Variants in TNPO1 observed in about 807,000 individuals in gnomAD.
The protein encoded by TNPO1 is transportin-1.
TNPO1 carries 8 observed loss-of-function variants against 119.5 expected under a neutral mutation model. That is an observed-to-expected ratio of 0.07 (90% CI 0.04 to 0.12). The LOEUF is 0.12. TNPO1 is among the 10% of genes least tolerant of loss of function. The pLI is 1.00. For missense variants in TNPO1, 576 were observed against 1,089.8 expected (o/e 0.53, Z 6.64); for synonymous variants, 362 against 363.0 (o/e 1.00, Z 0.03).
chr5:72,824,622 G>A (rs1475444530), intron 1 of TNPO1, among the ~76,000 whole-genome samples: 1 of 152,124 alleles, frequency 6.6e-6, no homozygotes, highest in Non-Finnish European at 1.5e-5. Flanking sequence ...TCTCAGTGCT[G>A]GTCCTTGTAA....
intron 24 of TNPO1, among the ~76,000 whole-genome samples, chr5:72,906,897 T>C (rs1434649019): frequency 6.6e-6 from 1 of 152,240 alleles, no homozygotes; most frequent in Admixed American, 6.5e-5. Flanking sequence ...TTAAGACATA[T>C]CTGACTGGAA....
intron 1 of TNPO1, among the ~76,000 whole-genome samples, chr5:72,842,300 T>A (rs1744949329): frequency 6.6e-6 from 1 of 152,136 alleles, no homozygotes; most frequent in African/African-American, 2.4e-5. Flanking sequence ...AGGCAGTATA[T>A]CAGGGGCTTC....
intron 1 of TNPO1, among the ~76,000 whole-genome samples, chr5:72,839,691 A>C (rs1308056478): frequency 1.3e-5 from 2 of 152,174 alleles, no homozygotes; most frequent in African/African-American, 4.8e-5. Flanking sequence ...TGTTATTTCT[A>C]ATACAGCTAG....
intron 10 of TNPO1, 147 bp from the exon 11 acceptor site, chr5:72,882,917 A>C: frequency 6.0e-6 from 4 of 663,372 alleles, no homozygotes; most frequent in Non-Finnish European, 1.1e-5. Flanking sequence ...TATGTTCTGT[A>C]CATGGGCGTG....
At chr5:72,894,488 G>A (rs1460901897) in intron 18 of TNPO1, among the ~76,000 whole-genome samples, 6 of 152,152 alleles carry the variant, frequency 3.9e-5, no homozygotes, top group African/African-American at 1.2e-4. Context: ...TGGCTAACAC[G>A]GTGAAACCCC....
At position 72,911,875 on chromosome 5, in the gene TNPO1, A is replaced by G. The variant is rs1012606606; in HGVS notation, c.*3202A>G. On this transcript the variant is annotated 3_prime_UTR_variant, in exon 25 of 25. Coordinates refer to ENST00000337273, the MANE Select transcript of TNPO1 (RefSeq NM_002270.4). ...TTCCTGTTTGAGCTTCTCTCTTTGA[A>G]GGATTCTAACAGAACAAAGCTGCTG... The G allele has an allele frequency of 4.6e-5, 7 of 152,514 alleles. No homozygotes were observed. Among genetic ancestry groups the G allele is most frequent in the Non-Finnish European group, 1.0e-4 (7 of 67,960 alleles). 9.4% of individuals were successfully genotyped at this position (152,514 alleles called of 1,614,324 possible). A position where few individuals can be genotyped will look rare whatever the true frequency, so the allele number is the denominator to read the frequency against.
chr5:72,898,864 C>T (rs1338792909), intron 20 of TNPO1, among the ~76,000 whole-genome samples: 1 of 152,094 alleles, frequency 6.6e-6, no homozygotes. Context: ...TCAAGTAATC[C>T]TTAAACATTT....
chr5:72,861,118 T>C (rs1746411570), intron 4 of TNPO1, among the ~76,000 whole-genome samples: 1 of 151,938 alleles, frequency 6.6e-6, no homozygotes, highest in Non-Finnish European at 1.5e-5. Flanking sequence ...TCCATGTTGG[T>C]CAGGCTGGTC....
At chr5:72,821,251 T>C (rs1743944795) in intron 1 of TNPO1, among the ~76,000 whole-genome samples, 1 of 152,128 alleles carries the variant, frequency 6.6e-6, no homozygotes, top group African/African-American at 2.4e-5. Context: ...AGTAAAATAA[T>C]TTATTAGTGG....
intron 1 of TNPO1, among the ~76,000 whole-genome samples, chr5:72,829,522 G>A (rs569346714): frequency 4.6e-5 from 7 of 152,318 alleles, no homozygotes; most frequent in South Asian, 4.1e-4. Context: ...TTGAACAATC[G>A]AGTTGAATAC....
At chr5:72,840,289 G>A (rs1744852371) in intron 1 of TNPO1, among the ~76,000 whole-genome samples, 1 of 151,966 alleles carries the variant, frequency 6.6e-6, no homozygotes. Flanking sequence ...GTGTGATCTT[G>A]GACACATTGC....
At chr5:72,871,857 C>T (rs564057218) in intron 6 of TNPO1, 4 of 152,224 alleles carry the variant, frequency 2.6e-5, no homozygotes, top group African/African-American at 9.6e-5. Context: ...AAACTATGTC[C>T]CATGGAGCCA....
chr5:72,864,254 CTT>C (rs1373782159), intron 5 of TNPO1, among the ~76,000 whole-genome samples: 7 of 151,952 alleles, frequency 4.6e-5, no homozygotes, highest in Non-Finnish European at 8.8e-5. Flanking sequence ...AAATTTTAGA[CTT>C]AAAAATATTT....
Position 72,912,665 on chromosome 5 carries a change from C to T in TNPO1, c.*3992C>T, listed in dbSNP as rs1176777669. ...TACCTGAAAATGAGCTACATATGGT[C>T]GTCATTTTCTTCAAACTCTCAAAAT... On this transcript the variant is annotated 3_prime_UTR_variant, in exon 25 of 25. Coordinates refer to ENST00000337273, the MANE Select transcript of TNPO1 (RefSeq NM_002270.4). The T allele has an allele frequency of 1.3e-5, 2 of 152,396 alleles. No homozygotes were observed. Among genetic ancestry groups the T allele is most frequent in the Admixed American group, 1.3e-4 (2 of 15,250 alleles). 9.4% of individuals were successfully genotyped at this position (152,396 alleles called of 1,614,324 possible).
In TNPO1 at chr5:72,903,796, T is replaced by C; in HGVS notation, c.2589+13T>C. The C allele has an allele frequency of 6.5e-7, 1 of 1,530,786 alleles. No homozygotes were observed. Among genetic ancestry groups the C allele is most frequent in the Non-Finnish European group, 9.0e-7 (1 of 1,113,602 alleles). The allele number at this position is 1,530,786 out of a possible 1,614,324, so 94.8% of individuals were successfully genotyped here. On this transcript the variant is annotated intron_variant, in intron 23 of 24. Coordinates refer to ENST00000337273, the MANE Select transcript of TNPO1 (RefSeq NM_002270.4). ...CATGTTCTGTAAGGTAACTAATAAG[T>C]CTTTATAATGCATCATCTTGAGACT...
At chr5:72,882,118 A>G (rs1748287720) in intron 9 of TNPO1, among the ~76,000 whole-genome samples, 1 of 152,206 alleles carries the variant, frequency 6.6e-6, no homozygotes, top group African/African-American at 2.4e-5. Flanking sequence ...CCTGTATCTT[A>G]CAAAATATAG....
intron 22 of TNPO1, 76 bp from the exon 23 acceptor site, chr5:72,903,633 C>G (rs931450190): frequency 3.3e-6 from 3 of 907,672 alleles, no homozygotes; most frequent in Non-Finnish European, 5.1e-6. Context: ...GACATAAACT[C>G]TGAGGTTTAC....
chr5:72,842,971 G>T (rs1426897943), intron 1 of TNPO1, among the ~76,000 whole-genome samples: 1 of 152,152 alleles, frequency 6.6e-6, no homozygotes, highest in Non-Finnish European at 1.5e-5. Flanking sequence ...CCTCAAGGAA[G>T]TCCTTTCTTG....
intron 1 of TNPO1, among the ~76,000 whole-genome samples, chr5:72,824,491 T>C (rs889794011): frequency 6.6e-6 from 1 of 152,226 alleles, no homozygotes; most frequent in Non-Finnish European, 1.5e-5. Flanking sequence ...ATGCCCTGTG[T>C]TATTGATTCT....
Sources: allele counts gnomAD v4.1 joint callset (sites outside exome capture counted in the v4.1 genomes callset), GRCh38; gene constraint gnomAD v4.1.1; transcripts MANE v1.5; gene names NCBI Gene and HGNC (gene_info 2026-07-23, HGNC 2026-07-21).